Variants in CHM observed in about 807,000 individuals in gnomAD.
The protein encoded by CHM is CHM Rab escort protein, also known as rab proteins geranylgeranyltransferase component A 1.
Under a neutral mutation model 49.0 loss-of-function variants are expected in CHM, and 10 were observed. That is an observed-to-expected ratio of 0.20 (90% CI 0.13 to 0.35). The LOEUF (loss-of-function observed/expected upper bound fraction) is 0.35. Among genes scored for constraint, CHM ranks in the 10% least tolerant of loss-of-function variants. The pLI, the probability that CHM is intolerant of heterozygous loss-of-function variation, is 1.00. For missense variants in CHM, 455 were observed against 478.4 expected, an observed-to-expected ratio of 0.95 and a Z score of 0.46; for synonymous variants, 184 against 167.5, an observed-to-expected ratio of 1.10 and a Z score of -0.76.
intron 2 of CHM, among the ~76,000 whole-genome samples, chrX:86,020,933 CAG>C (rs1356590973): frequency 2.1e-5 from 2 of 95,885 alleles, no homozygotes; most frequent in East Asian, 3.2e-4. Context: ...TCTTATATAT[CAG>C]AGATATATAT....
At chrX:86,006,456 A>G (rs1361141542) in intron 2 of CHM, among the ~76,000 whole-genome samples, 2 of 111,883 alleles carry the variant, frequency 1.8e-5, no homozygotes, top group African/African-American at 3.3e-5. Flanking sequence ...TTAATTAGGA[A>G]AAGAAGAAGT....
chrX:86,044,322 T>C (rs1045080239), intron 1 of CHM, among the ~76,000 whole-genome samples: 1 of 112,161 alleles, frequency 8.9e-6, no homozygotes, highest in African/African-American at 3.2e-5. Flanking sequence ...CAAACTGTCA[T>C]TTGTATGTCT....
At chrX:85,895,396 G>A (rs1312430173) in intron 11 of CHM, among the ~76,000 whole-genome samples, 1 of 109,638 alleles carries the variant, frequency 9.1e-6, no homozygotes, top group Non-Finnish European at 1.9e-5. Context: ...CAGCCACCTT[G>A]GCTTCCCAAA....
At chrX:85,897,238 A>G (rs1417904339) in intron 11 of CHM, among the ~76,000 whole-genome samples, 3 of 100,791 alleles carry the variant, frequency 3.0e-5, no homozygotes, top group Non-Finnish European at 5.9e-5. Context: ...ATATACTAGC[A>G]TATATGAAAT....
chrX:86,039,692 G>A (rs975716360), intron 1 of CHM, among the ~76,000 whole-genome samples: 7 of 110,369 alleles, frequency 6.3e-5, no homozygotes, highest in African/African-American at 6.6e-5. Context: ...TTTCCCGTGC[G>A]AATGTTGCCT....
chrX:86,007,554 A>C (rs1031490581), intron 2 of CHM, among the ~76,000 whole-genome samples: 11 of 112,328 alleles, frequency 9.8e-5, no homozygotes, highest in African/African-American at 3.2e-4. Context: ...GAACTCAAAC[A>C]GATTTACAAG....
chrX:86,039,296 T>C (rs1212472058), intron 1 of CHM, among the ~76,000 whole-genome samples: 13 of 80,520 alleles, frequency 1.6e-4, no homozygotes, highest in Non-Finnish European at 2.3e-5. Context: ...CTTCTTAATA[T>C]GCCTCATATC....
At chrX:86,006,098 G>T (rs978695151) in intron 2 of CHM, among the ~76,000 whole-genome samples, 2 of 111,756 alleles carry the variant, frequency 1.8e-5, no homozygotes, top group African/African-American at 6.5e-5. Context: ...GGGATGCAAG[G>T]CTGGTTCAAC....
intron 8 of CHM, among the ~76,000 whole-genome samples, chrX:85,930,593 T>A (rs942130103): frequency 8.9e-6 from 1 of 112,230 alleles, no homozygotes; most frequent in Admixed American, 9.5e-5. Flanking sequence ...CTGTTTTCTA[T>A]TCCTACATTC....
chrX:85,981,206 C>CTATTTTTATA (rs1555958595), intron 3 of CHM, among the ~76,000 whole-genome samples: 12 of 54,366 alleles, frequency 2.2e-4, no homozygotes, highest in African/African-American at 6.6e-4. Context: ...ATTTCTATTT[C>CTATTTTTATA]TATATATATA....
At chrX:85,941,524 T>C (rs886430751) in intron 8 of CHM, among the ~76,000 whole-genome samples, 4 of 111,993 alleles carry the variant, frequency 3.6e-5, no homozygotes, top group Non-Finnish European at 5.6e-5. Flanking sequence ...AGGCATTGCA[T>C]TGAGACATTC....
intron 2 of CHM, among the ~76,000 whole-genome samples, chrX:86,017,569 G>A (rs1452467984): frequency 1.8e-5 from 2 of 110,836 alleles, no homozygotes; most frequent in African/African-American, 6.6e-5. Flanking sequence ...AGTGCATTTT[G>A]CCTCCCGCCA....
chrX:86,007,120 T>C (rs1361364159), intron 2 of CHM, among the ~76,000 whole-genome samples: 1 of 111,695 alleles, frequency 9.0e-6, no homozygotes. Context: ...TCTACAACTA[T>C]CTGATCTTTG....
chrX:85,973,328 A>AAAAAAG (rs1931070685), intron 4 of CHM, among the ~76,000 whole-genome samples: 2 of 101,512 alleles, frequency 2.0e-5, no homozygotes, highest in African/African-American at 3.6e-5. Flanking sequence ...AAAAAAAAAA[A>AAAAAAG]AAAGAAAGAA....
At chrX:85,959,168 T>TGCA (rs1207752286) in intron 5 of CHM, among the ~76,000 whole-genome samples, 191 bp from the exon 6 acceptor site, 2 of 111,756 alleles carry the variant, frequency 1.8e-5, no homozygotes, top group African/African-American at 6.5e-5. Context: ...CAAAAAACTT[T>TGCA]GCAATCCATA....
intron 1 of CHM, chrX:86,047,132 A>C: frequency 3.2e-6 from 1 of 309,162 alleles, no homozygotes; most frequent in Non-Finnish European, 5.9e-6. Context: ...TAAGGAAGGA[A>C]TCATAATGTC....
chrX:85,866,290 G>A (rs1249084968), intron 14 of CHM, among the ~76,000 whole-genome samples: 2 of 112,779 alleles, frequency 1.8e-5, no homozygotes, highest in Admixed American at 1.9e-4. Flanking sequence ...AGCTTGGGCT[G>A]TTGCTTCAGA....
At chrX:86,032,910 T>A (rs1314716715) in intron 1 of CHM, among the ~76,000 whole-genome samples, 2 of 111,772 alleles carry the variant, frequency 1.8e-5, no homozygotes, top group Non-Finnish European at 3.8e-5. Context: ...GAATGTTATA[T>A]CATCATACAC....
chrX:85,913,332 A>AAAAAAGAAAG lies in CHM; in HGVS notation c.1167-1995_1167-1994insCTTTCTTTTT, dbSNP rs762266365. Among the ~76,000 whole-genome samples the AAAAAAGAAAG allele has an allele frequency of 5.6e-4, 13 of 23,409 alleles. 1 individual carries two copies. The highest frequency in any genetic ancestry group is 8.9e-4 in the Non-Finnish European group (11 of 12,319). The allele number at this position is 23,409 out of a possible 115,157, so 20.3% of individuals were successfully genotyped here. On this transcript the variant is annotated intron_variant, in intron 8 of 14. Transcript: ENST00000357749. ...CTCTGTCAAAAAAAAAAAAAAAAAA[A>AAAAAAGAAAG]AAAGAAAGAAAGAAAGAAAGAAAGA... is the stretch of plus-strand genomic sequence containing the variant.
Sources: gnomAD v4.1 joint callset for allele counts (sites outside exome capture counted in the v4.1 genomes callset) on GRCh38, gnomAD v4.1.1 for gene constraint, MANE v1.5 for transcripts, NCBI Gene and HGNC (gene_info 2026-07-23, HGNC 2026-07-21) for gene names.